The following IFT80 variants were observed in gnomAD, a reference collection of about 807,000 sequenced individuals.
The protein encoded by IFT80 is intraflagellar transport protein 80 homolog.
A neutral mutation model predicts 107.9 loss-of-function variants in IFT80; 79 were observed. The ratio of observed to expected loss-of-function variants is 0.73; its 90% CI spans 0.61 to 0.88. The LOEUF is 0.88. Among genes scored for constraint, IFT80 ranks in the 40% least tolerant of loss-of-function variants. The pLI is 0.00. For missense variants in IFT80, 797 were observed against 914.2 expected (o/e 0.87, Z 1.65); for synonymous variants, 299 against 300.9 (o/e 0.99, Z 0.07).
chr3:160,381,602 G>A lies in IFT80; in HGVS notation c.160C>T (p.Pro54Ser). The stretch of plus-strand genomic sequence containing the variant: ...AAATCAATAGGGTAAATATCATCAG[G>A]AAGCTTTACTATTTGAGTTGTTTCA... ...TSETTQIVKLPDDIYPIDFHW... is the reference protein window; with the variant it reads ...TSETTQIVKLSDDIYPIDFHW... Residue 54 changes from proline to serine, a missense_variant, in exon 3 of 20, where the codon CCT (proline) becomes TCT (serine). Pro to Ser is a moderately conservative substitution (Grantham distance 74). Transcript: ENST00000326448. 2 of 1,613,404 alleles carry A rather than the reference G, an allele frequency of 1.2e-6. No individual in the cohort carries two copies. The highest frequency in any genetic ancestry group is 1.7e-6 in the Non-Finnish European group (2 of 1,179,842).
Position 160,375,887 on chromosome 3 carries a change from A to AG in IFT80, c.371-8dup. On this transcript the variant is annotated splice_region_variant and splice_polypyrimidine_tract_variant and intron_variant, in intron 4 of 19. Transcript: ENST00000326448. ...ATTTGTCCATCTTCTCCAACTATAC[A>AG]GGGAAAAAAAAATTAATCAGTATTT... The AG allele has an allele frequency of 6.3e-7, 1 of 1,582,826 alleles. No individual in the cohort carries two copies.
chr3:160,336,328 T>G (rs1380901137), intron 8 of IFT80, among the ~76,000 whole-genome samples: 1 of 152,196 alleles, frequency 6.6e-6, no homozygotes, highest in Non-Finnish European at 1.5e-5. Flanking sequence ...TGAGAAGTTA[T>G]GCAAATAAGT....
chr3:160,394,511 G>A (rs757193043), intron 1 of IFT80, among the ~76,000 whole-genome samples: 6 of 152,262 alleles, frequency 3.9e-5, no homozygotes, highest in Admixed American at 6.5e-5. Flanking sequence ...GTATGTGTAC[G>A]CTGTGGTATT....
rs1366678504 is a variant in IFT80, at chr3:160,377,549, A to C, written c.260-9T>G. ...AATCAGATGAAATTTACCTGAAAGA[A>C]ATTACATTTGAAAAATCTATTTTAT... On this transcript the variant is annotated splice_polypyrimidine_tract_variant and intron_variant, in intron 3 of 19. Coordinates refer to ENST00000326448, the MANE Select transcript of IFT80 (RefSeq NM_020800.3). 23 of 1,487,224 alleles carry C rather than the reference A, an allele frequency of 1.5e-5. No homozygotes were observed. The highest frequency in any genetic ancestry group is 2.2e-5 in the Non-Finnish European group (23 of 1,065,520). The allele number at this position is 1,487,224 out of a possible 1,614,324, so 92.1% of individuals were successfully genotyped here.
intron 8 of IFT80, among the ~76,000 whole-genome samples, chr3:160,331,407 A>G (rs1431929507): frequency 6.6e-6 from 1 of 152,184 alleles, no homozygotes; most frequent in Non-Finnish European, 1.5e-5. Context: ...ATTTCCCTTT[A>G]ATATTTTCAG....
rs534553118 is a variant in IFT80 at position 160,282,015 on chromosome 3, C to T, written c.1516+463G>A. Among the ~76,000 whole-genome samples, 209 of 152,326 alleles carry T rather than the reference C, an allele frequency of 1.4e-3. 3 individuals are homozygous for T. Among genetic ancestry groups the T allele is most frequent in the South Asian group, 3.5e-3 (17 of 4,820 alleles). Reference sequence around the variant, plus strand: ...CAAATAGGCCAGGCCCAGTGGCTTACGCCTGTAATCCCAGCACTTTAAGAG... The same window carrying T: ...CAAATAGGCCAGGCCCAGTGGCTTATGCCTGTAATCCCAGCACTTTAAGAG... On this transcript the variant is annotated intron_variant, in intron 14 of 19. Transcript: ENST00000326448.
At chr3:160,299,171 T>C in intron 12 of IFT80, 2 of 989,466 alleles carry the variant, frequency 2.0e-6, no homozygotes, top group South Asian at 8.0e-5. Flanking sequence ...CTTAATTCTG[T>C]CTGCCATCTG....
At chr3:160,317,285 CCT>C (rs1199048701) in intron 9 of IFT80, among the ~76,000 whole-genome samples, 1 of 151,706 alleles carries the variant, frequency 6.6e-6, no homozygotes, top group African/African-American at 2.4e-5. Context: ...GAAAGTAAAA[CCT>C]CTTTAAAAAA....
At chr3:160,263,629 A>G (rs1412647180) in intron 19 of IFT80, among the ~76,000 whole-genome samples, 4 of 151,968 alleles carry the variant, frequency 2.6e-5, no homozygotes, top group Non-Finnish European at 5.9e-5. Flanking sequence ...TGTTGTTTCC[A>G]TTTATTTTTA....
At chr3:160,285,978 C>G in intron 12 of IFT80, 110 bp from the exon 13 acceptor site, 1 of 711,720 alleles carries the variant, frequency 1.4e-6, no homozygotes, top group Non-Finnish European at 2.4e-6. Context: ...CTCTAGACCA[C>G]AGAGAGAGCA....
chr3:160,311,704 A>T (rs1717265192), intron 9 of IFT80, among the ~76,000 whole-genome samples: 1 of 152,212 alleles, frequency 6.6e-6, no homozygotes, highest in Non-Finnish European at 1.5e-5. Flanking sequence ...AGCGATATGC[A>T]GCGCATCAAA....
At chr3:160,324,287 G>T (rs964875364) in intron 8 of IFT80, among the ~76,000 whole-genome samples, 4 of 152,176 alleles carry the variant, frequency 2.6e-5, no homozygotes, top group African/African-American at 9.7e-5. Flanking sequence ...TATGAGGCCA[G>T]CATCATCCTA....
intron 1 of IFT80, among the ~76,000 whole-genome samples, chr3:160,385,318 T>C (rs1712840348): frequency 1.3e-5 from 2 of 152,182 alleles, no homozygotes; most frequent in African/African-American, 4.8e-5. Flanking sequence ...ATGAATATAG[T>C]TGTTGTATAA....
At position 160,280,781 on chromosome 3, in the gene IFT80, G is replaced by T. The variant is rs1408265295; in HGVS notation, c.1550C>A (p.Thr517Lys). The change falls in exon 15 of 20, where the codon ACA (threonine) becomes AAA (lysine). Residue 517 changes from threonine to lysine, a missense_variant. Transcript: ENST00000326448. ...TTGAAGTCCACAAAGGATATTGCAT[G>T]TATCGTTCCATGCCAAAGTATGCAC... is the stretch of plus-strand genomic sequence containing the variant. Reference protein sequence around the residue: ...TMVHTLAWNDTCNILCGLQDT... With the variant: ...TMVHTLAWNDKCNILCGLQDT... 6.2e-7 allele frequency: 1 copy of T among 1,613,192 alleles called. No individual in the cohort carries two copies. The highest frequency in any genetic ancestry group is 2.2e-5 in the East Asian group (1 of 44,802).
Position 160,319,752 on chromosome 3 carries a change from A to C in IFT80, c.957+8T>G. ...GCAGGTTTAATCAACCTTGGAACAT[A>C]ATAATACCTGCATGGCTCTTCTTTT... On this transcript the variant is annotated splice_region_variant and intron_variant, in intron 9 of 19. Transcript: ENST00000326448. 6.2e-7 allele frequency: 1 copy of C among 1,611,092 alleles called. No homozygotes were observed. The highest frequency in any genetic ancestry group is 8.5e-7 in the Non-Finnish European group (1 of 1,177,612).
In IFT80 at chr3:160,258,243, GAAGT is replaced by G. The variant is rs1712511437; in HGVS notation, c.*278_*281del. The G allele has an allele frequency of 9.9e-6, 4 of 402,650 alleles. No homozygotes were observed. In the Admixed American group the frequency reaches 1.2e-4, roughly 12 times the overall value. The allele number at this position is 402,650 out of a possible 1,614,324, so 24.9% of individuals were successfully genotyped here. On this transcript the variant is annotated 3_prime_UTR_variant, in exon 20 of 20. Transcript: ENST00000326448. ...TTGTTCATGCTGAAGATTTAGGGAT[GAAGT>G]AATGGGCAAAAAACTGACATATAAT... is the stretch of plus-strand genomic sequence containing the variant.
At chr3:160,369,397 C>T (rs1444533359) in intron 5 of IFT80, among the ~76,000 whole-genome samples, 1 of 151,854 alleles carries the variant, frequency 6.6e-6, no homozygotes, top group Non-Finnish European at 1.5e-5. Flanking sequence ...CATTAAAAAC[C>T]TTGATCTTTA....
rs573871964 is a variant in IFT80 at position 160,325,073 on chromosome 3, G to T, written c.778-5134C>A. Among the ~76,000 whole-genome samples the T allele has an allele frequency of 3.2e-3, 485 of 151,432 alleles. 1 individual carries two copies. Among genetic ancestry groups the T allele is most frequent in the African/African-American group, 0.011 (463 of 41,204 alleles). On this transcript the variant is annotated intron_variant, in intron 8 of 19. Coordinates refer to ENST00000326448, the MANE Select transcript of IFT80 (RefSeq NM_020800.3). ...AAATACCTAGGAATCCAACTTACAA[G>T]GGACGTGAAGGACCTCTTCAAGGAG...
At chr3:160,368,973 C>T (rs1351026393) in intron 5 of IFT80, among the ~76,000 whole-genome samples, 2 of 151,820 alleles carry the variant, frequency 1.3e-5, no homozygotes, top group Non-Finnish European at 2.9e-5. Flanking sequence ...GTAAAAGGCA[C>T]GGTTGGGGTA....
Sources: gnomAD v4.1 joint callset for allele counts (sites outside exome capture counted in the v4.1 genomes callset) on GRCh38, gnomAD v4.1.1 for gene constraint, MANE v1.5 for transcripts, NCBI Gene and HGNC (gene_info 2026-07-23, HGNC 2026-07-21) for gene names.